Variants in COL22A1 observed in about 807,000 individuals in gnomAD.
The protein encoded by COL22A1 is collagen alpha-1(XXII) chain.
A neutral mutation model predicts 248.9 loss-of-function variants in COL22A1; 221 were observed. The ratio of observed to expected loss-of-function variants is 0.89; its 90% CI spans 0.80 to 0.99. COL22A1 has a LOEUF of 0.99. Among genes scored for constraint, COL22A1 ranks in the 50% least tolerant of loss-of-function variants. The pLI, the probability that COL22A1 is intolerant of heterozygous loss-of-function variation, is 0.00. For missense variants in COL22A1, 2,240 were observed against 2,179.0 expected, an observed-to-expected ratio of 1.03 and a Z score of -0.56; for synonymous variants, 891 against 793.4, an observed-to-expected ratio of 1.12 and a Z score of -2.07.
At chr8:138,877,723 G>A (rs111699757) in intron 3 of COL22A1, 27 bp downstream of exon 3, 1 of 1,545,004 alleles carries the variant, frequency 6.5e-7, no homozygotes, top group East Asian at 2.3e-5. Context: ...TCTTGGGAGG[G>A]GCCGCATGGG....
At chr8:138,905,923 T>C (rs62522074) in intron 1 of COL22A1, among the ~76,000 whole-genome samples, 4,274 of 152,318 alleles carry the variant, frequency 0.028, 100 homozygotes, top group Non-Finnish European at 0.04. Context: ...TTATTTTTCT[T>C]GCCAGACAGA....
intron 39 of COL22A1, among the ~76,000 whole-genome samples, chr8:138,680,657 C>A (rs528339801): frequency 4.6e-5 from 7 of 152,118 alleles, no homozygotes; most frequent in African/African-American, 1.7e-4. Context: ...GTGGATGTCA[C>A]CCTCTCTAGG....
chr8:138,620,948 T>C (rs1368714192), intron 52 of COL22A1, among the ~76,000 whole-genome samples: 1 of 39,214 alleles, frequency 2.6e-5, no homozygotes, highest in Non-Finnish European at 6.5e-5. Context: ...CAAGCATCCA[T>C]CCATCCATCC....
intron 41 of COL22A1, among the ~76,000 whole-genome samples, chr8:138,664,149 A>T (rs1220257880): frequency 2.0e-5 from 3 of 148,424 alleles, no homozygotes; most frequent in Non-Finnish European, 4.5e-5. Flanking sequence ...CCATAGCGCT[A>T]GTGTCTGAGG....
intron 48 of COL22A1, 68 bp downstream of exon 48, chr8:138,636,674 G>T: frequency 8.6e-7 from 1 of 1,157,072 alleles, no homozygotes; most frequent in Non-Finnish European, 1.3e-6. Context: ...ATTGTACAAT[G>T]GAAGCCACCT....
intron 46 of COL22A1, among the ~76,000 whole-genome samples, chr8:138,649,275 A>C (rs143614298): frequency 1.4e-3 from 211 of 152,312 alleles, no homozygotes; most frequent in African/African-American, 4.9e-3. Flanking sequence ...GCATGCATGA[A>C]TGGATGGATC....
At chr8:138,877,689 C>T (rs1279535684) in intron 3 of COL22A1, 61 bp downstream of exon 3, 33 of 1,475,572 alleles carry the variant, frequency 2.2e-5, no homozygotes, top group South Asian at 2.8e-5. Flanking sequence ...GGACCCCTCC[C>T]GTGGGCTCAG....
At chr8:138,868,081 G>T (rs1269175936) in intron 3 of COL22A1, among the ~76,000 whole-genome samples, 1 of 152,120 alleles carries the variant, frequency 6.6e-6, no homozygotes, top group East Asian at 1.9e-4. Context: ...TTATTTTACA[G>T]GGAAAACTAA....
At chr8:138,716,390 ATGTTCTG>A in intron 28 of COL22A1, 101 bp from the exon 29 acceptor site, 2 of 798,320 alleles carry the variant, frequency 2.5e-6, no homozygotes, top group Non-Finnish European at 4.0e-6. Flanking sequence ...GGAACTGGAG[ATGTTCTG>A]GCTTAGTGGA....
At chr8:138,876,941 C>T (rs756477424) in intron 3 of COL22A1, among the ~76,000 whole-genome samples, 17 of 152,242 alleles carry the variant, frequency 1.1e-4, no homozygotes, top group Non-Finnish European at 2.1e-4. Flanking sequence ...GGACAAATGT[C>T]ACCCCAATGC....
chr8:138,751,211 T>C (rs952908125), intron 22 of COL22A1, among the ~76,000 whole-genome samples: 4 of 152,230 alleles, frequency 2.6e-5, no homozygotes, highest in Admixed American at 6.5e-5. Context: ...AATGGATTCA[T>C]GTCTCTCTAT....
chr8:138,778,286 C>T lies in COL22A1; in HGVS notation c.1758+67G>A, dbSNP rs73361032. The T allele has an allele frequency of 3.9e-3, 6,263 of 1,587,032 alleles. 208 individuals carry two copies. The African/African-American group carries it at 0.074, about 19-fold the overall frequency. On this transcript the variant is annotated intron_variant, in intron 15 of 64. Transcript: ENST00000303045. ...GTCTAGATGCAGGTGGAGGAACTTG[C>T]TAGAACCTGGTTTTTGATTCCTGGA...
intron 60 of COL22A1, among the ~76,000 whole-genome samples, chr8:138,599,469 C>A (rs775331706): frequency 6.6e-6 from 1 of 152,006 alleles, no homozygotes; most frequent in Non-Finnish European, 1.5e-5. Flanking sequence ...ACAGAGCAAG[C>A]CTCTGTCTCA....
At chr8:138,672,801 C>A (rs1825148071) in intron 41 of COL22A1, among the ~76,000 whole-genome samples, 1 of 152,152 alleles carries the variant, frequency 6.6e-6, no homozygotes, top group Non-Finnish European at 1.5e-5. Context: ...TTGCTGGCAC[C>A]TGATCCATCA....
chr8:138,893,198 A>G (rs1477747012), intron 1 of COL22A1, among the ~76,000 whole-genome samples: 2 of 152,222 alleles, frequency 1.3e-5, no homozygotes, highest in East Asian at 3.9e-4. Context: ...GTCAACAAAT[A>G]CAGACTGAGT....
At chr8:138,795,513 CCT>C (rs969551019) in intron 12 of COL22A1, among the ~76,000 whole-genome samples, 3 of 118,886 alleles carry the variant, frequency 2.5e-5, no homozygotes, top group African/African-American at 1.3e-4. Flanking sequence ...CTCTGTCTCT[CCT>C]CTCTCTCTTT....
chr8:138,627,734 T>G (rs1820362163), intron 50 of COL22A1, among the ~76,000 whole-genome samples: 1 of 152,186 alleles, frequency 6.6e-6, no homozygotes, highest in Admixed American at 6.5e-5. Flanking sequence ...CACCCTTGCC[T>G]GCAGTACACC....
At position 138,613,523 on chromosome 8, in the gene COL22A1, C is replaced by T. The variant is rs529737053; in HGVS notation, c.3978+344G>A. On this transcript the variant is annotated intron_variant, in intron 56 of 64. Coordinates refer to ENST00000303045, the MANE Select transcript of COL22A1 (RefSeq NM_152888.3). ...CACGTACCACATTCCATTCATGGTA[C>T]TTGGTTACAGCAGCCTCGGGAAACT... Among the ~76,000 whole-genome samples, 9 of 152,320 alleles carry T rather than the reference C, an allele frequency of 5.9e-5. No homozygotes were observed. In the East Asian group the frequency reaches 1.7e-3, roughly 30 times the overall value.
chr8:138,599,811 A>G (rs115622536), intron 60 of COL22A1, among the ~76,000 whole-genome samples: 2,109 of 152,330 alleles, frequency 0.014, 43 homozygotes, highest in African/African-American at 0.047. Context: ...GGTAGTCTAT[A>G]GAGAACAGGA....
Sources: gnomAD v4.1 joint callset for allele counts (sites outside exome capture counted in the v4.1 genomes callset) on GRCh38, gnomAD v4.1.1 for gene constraint, MANE v1.5 for transcripts, NCBI Gene and HGNC (gene_info 2026-07-23, HGNC 2026-07-21) for gene names.